Variants in HDAC9 observed in about 807,000 individuals in gnomAD.
HDAC9 encodes MEF-2 interacting transcription repressor (MITR) protein.
A neutral mutation model predicts 139.4 loss-of-function variants in HDAC9; 41 were observed. That is an observed-to-expected ratio of 0.29 (90% CI 0.23 to 0.38). The LOEUF (loss-of-function observed/expected upper bound fraction) is 0.38. Among genes scored for constraint, HDAC9 ranks in the 10% least tolerant of loss-of-function variants. HDAC9 has a pLI of 1.00. For missense variants in HDAC9, 1,147 were observed against 1,297.0 expected (o/e 0.88, Z 1.78); for synonymous variants, 517 against 476.2 (o/e 1.09, Z -1.12).
chr7:18,642,094 G>A (rs765814398), intron 8 of HDAC9, among the ~76,000 whole-genome samples: 18 of 152,060 alleles, frequency 1.2e-4, no homozygotes, highest in South Asian at 4.2e-4. Context: ...GCAATGTCCC[G>A]GTCTGTAAAG....
At chr7:18,833,684 G>C (rs1001323800) in intron 19 of HDAC9, among the ~76,000 whole-genome samples, 1 of 152,086 alleles carries the variant, frequency 6.6e-6, no homozygotes, top group Non-Finnish European at 1.5e-5. Flanking sequence ...TCCTGATGAT[G>C]TATGTCTTTA....
intron 13 of HDAC9, among the ~76,000 whole-genome samples, chr7:18,748,498 A>G (rs907842748): frequency 6.6e-6 from 1 of 152,184 alleles, no homozygotes; most frequent in African/African-American, 2.4e-5. Flanking sequence ...AGAAATTACT[A>G]AACAGGATAG....
At position 18,136,518 on chromosome 7, in the gene HDAC9, A is replaced by G. The variant is rs535395620; in HGVS notation, c.-96-25711A>G. On this transcript the variant is annotated intron_variant, in intron 1 of 12. Transcript: ENST00000417496. The stretch of plus-strand genomic sequence containing the variant: ...AAGGGATCCAGTTTCAGCTTTCTAC[A>G]TATGGCTAGCCAATTTTCCCAACAC... 5.4e-3 allele frequency among the ~76,000 whole-genome samples: 829 copies of G among 152,348 alleles called. 4 individuals are homozygous for G. The highest frequency in any genetic ancestry group is 0.019 in the African/African-American group (788 of 41,584).
chr7:18,399,487 G>C (rs1008563414), intron 1 of HDAC9, among the ~76,000 whole-genome samples: 2 of 152,166 alleles, frequency 1.3e-5, no homozygotes, highest in African/African-American at 4.8e-5. Flanking sequence ...GGCACTCATT[G>C]TTTAAAGCAC....
At chr7:18,211,817 C>T (rs547460670) in intron 2 of HDAC9, among the ~76,000 whole-genome samples, 93 of 152,172 alleles carry the variant, frequency 6.1e-4, no homozygotes, top group African/African-American at 2.2e-3. Context: ...TGAGAAAAGC[C>T]TCCTGTGAGG....
intron 11 of HDAC9, among the ~76,000 whole-genome samples, chr7:18,650,350 G>C (rs1788850702): frequency 6.6e-6 from 1 of 151,966 alleles, no homozygotes; most frequent in African/African-American, 2.4e-5. Context: ...TGCTATGCTT[G>C]GTTCTATTTC....
chr7:18,503,811 T>C (rs1403035095), intron 2 of HDAC9, among the ~76,000 whole-genome samples: 2 of 152,258 alleles, frequency 1.3e-5, no homozygotes, highest in Admixed American at 6.5e-5. Flanking sequence ...ATGTTCATTA[T>C]TGACCCAGTT....
chr7:18,240,473 G>A (rs1794118673), intron 2 of HDAC9, among the ~76,000 whole-genome samples: 1 of 152,102 alleles, frequency 6.6e-6, no homozygotes, highest in African/African-American at 2.4e-5. Flanking sequence ...GTTGAAATAT[G>A]AAGAATATTT....
intron 1 of HDAC9, among the ~76,000 whole-genome samples, chr7:18,359,366 T>G (rs940234441): frequency 2.6e-5 from 4 of 151,994 alleles, no homozygotes; most frequent in Admixed American, 2.0e-4. Context: ...TAAAATAAAT[T>G]AAATAGTAAA....
chr7:18,603,366 A>G (rs1259687009), intron 6 of HDAC9, among the ~76,000 whole-genome samples: 3 of 151,970 alleles, frequency 2.0e-5, no homozygotes, highest in Non-Finnish European at 4.4e-5. Context: ...TACTTTTTTA[A>G]AAAAATATTC....
intron 2 of HDAC9, among the ~76,000 whole-genome samples, chr7:18,570,885 C>G (rs1294982098): frequency 2.0e-5 from 3 of 152,172 alleles, no homozygotes; most frequent in Non-Finnish European, 4.4e-5. Flanking sequence ...GGAGACTGGC[C>G]AAAATTATGC....
chr7:18,218,785 C>A (rs1012727531), intron 2 of HDAC9, among the ~76,000 whole-genome samples: 1 of 151,974 alleles, frequency 6.6e-6, no homozygotes, highest in Non-Finnish European at 1.5e-5. Flanking sequence ...TAGGGCATGC[C>A]AATTTATTTT....
chr7:18,812,739 G>C (rs1175711348), intron 17 of HDAC9, among the ~76,000 whole-genome samples: 1 of 151,204 alleles, frequency 6.6e-6, no homozygotes, highest in Non-Finnish European at 1.5e-5. Context: ...ACAATTTTCT[G>C]CCCCATTTTT....
chr7:18,412,121 C>T (rs1480378305), intron 1 of HDAC9, among the ~76,000 whole-genome samples: 2 of 152,048 alleles, frequency 1.3e-5, no homozygotes, highest in Non-Finnish European at 2.9e-5. Context: ...AGCCACTGCG[C>T]CCAGCCTCAA....
At chr7:18,120,889 AAG>A (rs1473738321) in intron 1 of HDAC9, among the ~76,000 whole-genome samples, 1 of 152,216 alleles carries the variant, frequency 6.6e-6, no homozygotes. Flanking sequence ...TGAGAAATCG[AAG>A]ACTCTTTGTG....
rs1457735520 is a variant in HDAC9 at position 18,424,300 on chromosome 7, A to G, written c.-41-71962A>G. Among the ~76,000 whole-genome samples, 4 of 152,224 alleles carry G rather than the reference A, an allele frequency of 2.6e-5. No homozygotes were observed. In the East Asian group the frequency reaches 5.8e-4, roughly 22 times the overall value. On this transcript the variant is annotated intron_variant, in intron 1 of 3. Coordinates refer to the HDAC9 transcript ENST00000413509. The stretch of plus-strand genomic sequence containing the variant: ...GGTTCAAATACCAATCCTGCATCTT[A>G]CTGACTGTGGACATTTGGGCAAGTT...
intron 1 of HDAC9, among the ~76,000 whole-genome samples, chr7:18,355,079 A>G (rs1338929129): frequency 2.0e-5 from 3 of 152,240 alleles, no homozygotes; most frequent in Non-Finnish European, 4.4e-5. Flanking sequence ...CTCAAACAGA[A>G]GTGATGATAA....
intron 1 of HDAC9, among the ~76,000 whole-genome samples, chr7:18,483,868 A>G (rs1279380677): frequency 2.6e-5 from 4 of 152,166 alleles, no homozygotes; most frequent in African/African-American, 7.2e-5. Context: ...CAAAATTTTG[A>G]GTATTATTTT....
chr7:18,574,318 C>A (rs1263191656), intron 2 of HDAC9, among the ~76,000 whole-genome samples: 1 of 152,218 alleles, frequency 6.6e-6, no homozygotes, highest in Non-Finnish European at 1.5e-5. Context: ...TGACCTAGAA[C>A]GGGTAGCTTC....
Sources: gnomAD v4.1 joint callset for allele counts (sites outside exome capture counted in the v4.1 genomes callset) on GRCh38, gnomAD v4.1.1 for gene constraint, MANE v1.5 for transcripts, NCBI Gene and HGNC (gene_info 2026-07-23, HGNC 2026-07-21) for gene names.